Variants in SMAP2 observed in about 807,000 individuals in gnomAD.
SMAP2 encodes small ArfGAP2.
A neutral mutation model predicts 56.4 loss-of-function variants in SMAP2; 25 were observed. That is an observed-to-expected ratio of 0.44 (90% CI 0.32 to 0.62). The LOEUF (loss-of-function observed/expected upper bound fraction) is 0.62, where lower values mean the gene tolerates loss of function less well. Among genes scored for constraint, SMAP2 ranks in the 20% least tolerant of loss-of-function variants. SMAP2 has a pLI of 0.04. For missense variants in SMAP2, 388 were observed against 545.6 expected, an observed-to-expected ratio of 0.71 and a Z score of 2.88; for synonymous variants, 157 against 181.7, an observed-to-expected ratio of 0.86 and a Z score of 1.09.
At chr1:40,357,481 A>G (rs9438937) in intron 1 of SMAP2, among the ~76,000 whole-genome samples, 16,456 of 151,996 alleles carry the variant, frequency 0.11, 942 homozygotes, top group Middle Eastern at 0.18. Context: ...CACAAAAAAA[A>G]AAAAAGAAGG....
In SMAP2 at chr1:40,422,246, GC is replaced by G; in HGVS notation, c.*148del. 8.9e-7 allele frequency: 1 copy of G among 1,119,924 alleles called. No individual in the cohort carries two copies. Among genetic ancestry groups the G allele is most frequent in the Non-Finnish European group, 1.3e-6 (1 of 796,992 alleles). The allele number at this position is 1,119,924 out of a possible 1,614,324, so 69.4% of individuals were successfully genotyped here. A position where few individuals can be genotyped will look rare whatever the true frequency, so the allele number is the denominator to read the frequency against. On this transcript the variant is annotated 3_prime_UTR_variant, in exon 10 of 10. Transcript: ENST00000372718. The stretch of plus-strand genomic sequence containing the variant: ...TAAGTCATTTGGGGTTTGGCATCCT[GC>G]CCAGCCACTTCCCAAACATGAAGAC...
At chr1:40,364,877 T>C (rs1644475327) in intron 2 of SMAP2, 2 of 212,022 alleles carry the variant, frequency 9.4e-6, no homozygotes, top group South Asian at 1.7e-4. Flanking sequence ...TCAGAGTCTC[T>C]GATCAAGCAG....
intron 1 of SMAP2, chr1:40,393,504 T>C: frequency 6.5e-7 from 1 of 1,527,782 alleles, no homozygotes; most frequent in African/African-American, 1.4e-5. Context: ...TGTGAGAGAC[T>C]GTAAGTTGAT....
chr1:40,346,769 C>T (rs977409615), intron 1 of SMAP2, among the ~76,000 whole-genome samples: 1 of 151,836 alleles, frequency 6.6e-6, no homozygotes, highest in African/African-American at 2.4e-5. Flanking sequence ...AATGAAAATG[C>T]ATAGTTCCCT....
rs1386515786 is a variant in SMAP2 at position 40,416,212 on chromosome 1, T to C, written c.718T>C (p.Ser240Pro). The C allele has an allele frequency of 1.2e-6, 2 of 1,614,068 alleles. No individual in the cohort carries two copies. Among genetic ancestry groups the C allele is most frequent in the Admixed American group, 3.3e-5 (2 of 60,006 alleles). Residue 240 changes from serine to proline, a missense_variant, in exon 8 of 10, where the codon TCT becomes CCT. Physicochemically the swap from Ser to Pro is moderately conservative, Grantham distance 74 (BLOSUM62 -1). Coordinates refer to ENST00000372718, the MANE Select transcript of SMAP2 (RefSeq NM_022733.3). ...CATGCCAACTGCAGGGAGTGCCGGC[T>C]CTGTTCCTGAAAATCTGAACCTGTT... ...GSMPTAGSAGSVPENLNLFPE... is the reference protein window; with the variant it reads ...GSMPTAGSAGPVPENLNLFPE...
chr1:40,418,880 C>G (rs537136226), intron 9 of SMAP2, among the ~76,000 whole-genome samples: 1 of 152,174 alleles, frequency 6.6e-6, no homozygotes, highest in Non-Finnish European at 1.5e-5. Context: ...ATCACACTTA[C>G]AAGACTTTCC....
intron 1 of SMAP2, among the ~76,000 whole-genome samples, chr1:40,383,552 TA>T (rs1644621282): frequency 6.6e-6 from 1 of 152,194 alleles, no homozygotes; most frequent in South Asian, 2.1e-4. Context: ...CCGGCAGATA[TA>T]ACATTGCGTG....
chr1:40,359,949 C>T (rs1301739610), intron 1 of SMAP2, among the ~76,000 whole-genome samples: 2 of 150,558 alleles, frequency 1.3e-5, no homozygotes, highest in African/African-American at 4.9e-5. Context: ...CTTCGTATTA[C>T]AGAAAGAGGC....
At chr1:40,362,736 A>G (rs1644464616) in intron 2 of SMAP2, among the ~76,000 whole-genome samples, 1 of 152,042 alleles carries the variant, frequency 6.6e-6, no homozygotes, top group Non-Finnish European at 1.5e-5. Context: ...GAGTTCTTGG[A>G]GTAGGCCTTG....
rs1219708164 is a variant in SMAP2 at position 40,374,806 on chromosome 1, G to T, written c.103+583G>T. 1 of 1,549,806 alleles carries T rather than the reference G, an allele frequency of 6.5e-7. No individual in the cohort carries two copies. Among genetic ancestry groups the T allele is most frequent in the Non-Finnish European group, 8.7e-7 (1 of 1,146,584 alleles). On this transcript the variant is annotated intron_variant, in intron 1 of 9. Coordinates refer to ENST00000372718, the MANE Select transcript of SMAP2 (RefSeq NM_022733.3). This position sits in a 1 kb window ranked among gnomAD's most constrained non-coding sequence, Gnocchi z 5.9. ...AGTGCTTAGGTGACTTTATTCTTCT[G>T]GATGTGTGCAGTGGGAAACTGCCTT...
intron 9 of SMAP2, among the ~76,000 whole-genome samples, chr1:40,420,480 C>T (rs1645031864): frequency 6.6e-6 from 1 of 151,958 alleles, no homozygotes; most frequent in Non-Finnish European, 1.5e-5. Flanking sequence ...TTTTAAAAAC[C>T]AGGTGTGGAA....
intron 1 of SMAP2, among the ~76,000 whole-genome samples, chr1:40,378,756 A>G (rs1395908365): frequency 6.6e-6 from 1 of 152,188 alleles, no homozygotes; most frequent in African/African-American, 2.4e-5. Flanking sequence ...TATCTCTGAA[A>G]TGTTTCACCC....
chr1:40,404,657 A>G (rs1290052817), intron 1 of SMAP2, among the ~76,000 whole-genome samples: 2 of 152,156 alleles, frequency 1.3e-5, no homozygotes, highest in African/African-American at 4.8e-5. Context: ...TGAGTTCTAG[A>G]CTCTGGAATC....
chr1:40,399,960 C>T lies in SMAP2; in HGVS notation c.104-6776C>T, dbSNP rs1193226695. Among the ~76,000 whole-genome samples, 4 of 152,162 alleles carry T rather than the reference C, an allele frequency of 2.6e-5. No homozygotes were observed. The East Asian group carries it at 5.8e-4, about 22-fold the overall frequency. The stretch of plus-strand genomic sequence containing the variant: ...CTCATGGTTAATTATGCTCTGCTTT[C>T]GTTTGTTTGAAATTTTCTGTAAGGT... On this transcript the variant is annotated intron_variant, in intron 1 of 9. Coordinates refer to ENST00000372718, the MANE Select transcript of SMAP2 (RefSeq NM_022733.3).
chr1:40,346,338 G>T (rs1644385849), intron 1 of SMAP2, among the ~76,000 whole-genome samples: 1 of 151,834 alleles, frequency 6.6e-6, no homozygotes, highest in Non-Finnish European at 1.5e-5. Context: ...GTGTCCTTTG[G>T]ATACTGCTAG....
intron 1 of SMAP2, among the ~76,000 whole-genome samples, chr1:40,378,152 T>TAC (rs1644559718): frequency 6.6e-6 from 1 of 152,086 alleles, no homozygotes; most frequent in South Asian, 2.1e-4. Flanking sequence ...AGAGACGGGG[T>TAC]CTTGCTCTGC....
chr1:40,381,013 T>C (rs1644593162), intron 1 of SMAP2, among the ~76,000 whole-genome samples: 1 of 152,216 alleles, frequency 6.6e-6, no homozygotes, highest in Non-Finnish European at 1.5e-5. Flanking sequence ...AAGTAATTTA[T>C]CAAAATCCCC....
intron 1 of SMAP2, among the ~76,000 whole-genome samples, chr1:40,391,933 T>A (rs953987533): frequency 2.6e-5 from 4 of 152,192 alleles, no homozygotes; most frequent in Non-Finnish European, 4.4e-5. Flanking sequence ...CCAAGTTTGC[T>A]TATATTACCT....
chr1:40,395,577 T>TACTGAAAGTTAATTGCCTTCA (rs56320868), intron 1 of SMAP2, among the ~76,000 whole-genome samples: 1 of 152,024 alleles, frequency 6.6e-6, no homozygotes, highest in Non-Finnish European at 1.5e-5. Context: ...GAGCCAAATT[T>TACTGAAAGTTAATTGCCTTCA]ACCTTTCCAG....
Sources: allele counts gnomAD v4.1 joint callset (sites outside exome capture counted in the v4.1 genomes callset), GRCh38; gene constraint gnomAD v4.1.1; non-coding constraint Gnocchi (gnomAD v3.1); transcripts MANE v1.5; gene names NCBI Gene and HGNC (gene_info 2026-07-23, HGNC 2026-07-21).